RIMS1: variants seen among roughly 807,000 people sequenced by gnomAD.
RIMS1 encodes the protein regulating synaptic membrane exocytosis protein 1.
Under a neutral mutation model 214.1 loss-of-function variants are expected in RIMS1, and 83 were observed. The observed-to-expected ratio is 0.39, with a 90% CI of 0.32 to 0.47. The LOEUF is 0.47. RIMS1 is among the 20% of genes least tolerant of loss of function. The pLI, the probability that RIMS1 is intolerant of heterozygous loss-of-function variation, is 0.99. For synonymous variants in RIMS1, 793 were observed against 786.8 expected, an observed-to-expected ratio of 1.01 and a Z score of -0.13; for missense variants, 2,050 against 2,161.8, an observed-to-expected ratio of 0.95 and a Z score of 1.03.
At position 72,400,773 on chromosome 6, in the gene RIMS1, C is replaced by G; in HGVS notation, c.*59C>G. 7.6e-7 allele frequency: 1 copy of G among 1,309,344 alleles called. No homozygotes were observed. Among genetic ancestry groups the G allele is most frequent in the Non-Finnish European group, 1.1e-6 (1 of 929,520 alleles). The allele number at this position is 1,309,344 out of a possible 1,614,324, so 81.1% of individuals were successfully genotyped here. A position where few individuals can be genotyped will look rare whatever the true frequency, so the allele number is the denominator to read the frequency against. ...TACTTTTCAGGATAATAATCTGAAC[C>G]AGATATTTCATGATCGAAAGCATTG... On this transcript the variant is annotated 3_prime_UTR_variant, in exon 34 of 34. Transcript: ENST00000521978.
intron 1 of RIMS1, among the ~76,000 whole-genome samples, chr6:71,936,195 CG>C (rs1433848135): frequency 3.3e-5 from 5 of 151,226 alleles, no homozygotes; most frequent in African/African-American, 1.2e-4. Flanking sequence ...GGCGTGGTAG[CG>C]GGCGCCTGTA....
chr6:72,348,867 AATG>A (rs1340960857), intron 29 of RIMS1, among the ~76,000 whole-genome samples: 1 of 152,016 alleles, frequency 6.6e-6, no homozygotes, highest in East Asian at 1.9e-4. Context: ...GAGAAATAAT[AATG>A]ATTGATAAAG....
At chr6:72,038,090 C>CAAAAAAAAAAAAAAAAAA (rs869130217) in intron 2 of RIMS1, among the ~76,000 whole-genome samples, 1 of 22,242 alleles carries the variant, frequency 4.5e-5, no homozygotes, top group Non-Finnish European at 8.0e-5. Context: ...AACAAACAAG[C>CAAAAAAAAAAAAAAAAAA]AAAAAAAAAA....
At chr6:71,906,026 A>G (rs972265791) in intron 1 of RIMS1, among the ~76,000 whole-genome samples, 1 of 152,164 alleles carries the variant, frequency 6.6e-6, no homozygotes, top group African/African-American at 2.4e-5. Context: ...TGTGTCCCAG[A>G]AAGCTCCAGT....
At chr6:72,259,204 G>C in intron 18 of RIMS1, 93 bp downstream of exon 18, 2 of 1,006,632 alleles carry the variant, frequency 2.0e-6, no homozygotes, top group Non-Finnish European at 2.8e-6. Context: ...GAGAGTAAAA[G>C]TATTTATCAC....
At chr6:72,309,123 G>A (rs959012301) in intron 27 of RIMS1, among the ~76,000 whole-genome samples, 51 of 152,072 alleles carry the variant, frequency 3.4e-4, no homozygotes, top group African/African-American at 1.2e-3. Flanking sequence ...ACAAGAAAGA[G>A]GCGAGTAAAG....
rs141892708 is a variant in RIMS1 at position 72,093,664 on chromosome 6, T to A, written c.246-3285T>A. On this transcript the variant is annotated intron_variant, in intron 2 of 33. Coordinates refer to ENST00000521978, the MANE Select transcript of RIMS1 (RefSeq NM_014989.7). ...TTTGTGATTCCTCATGTGTTAGATT[T>A]TTTTTTACCATGTCATACTGTAATA... Among the ~76,000 whole-genome samples, 625 of 152,280 alleles carry A rather than the reference T, an allele frequency of 4.1e-3. 5 individuals carry two copies. Among genetic ancestry groups the A allele is most frequent in the South Asian group, 0.023 (109 of 4,828 alleles).
At chr6:72,260,598 C>A (rs2077543847) in intron 18 of RIMS1, 107 bp from the exon 19 acceptor site, 1 of 1,435,756 alleles carries the variant, frequency 7.0e-7, no homozygotes, top group African/African-American at 1.4e-5. Context: ...TATGCTAGTG[C>A]AGACAATCTG....
At chr6:72,381,775 C>G (rs1441101999) in intron 29 of RIMS1, among the ~76,000 whole-genome samples, 2 of 152,168 alleles carry the variant, frequency 1.3e-5, no homozygotes, top group Non-Finnish European at 2.9e-5. Context: ...CATAGCAATA[C>G]CAGGTTTTTA....
chr6:72,359,857 A>G (rs1294130418), intron 29 of RIMS1, among the ~76,000 whole-genome samples: 1 of 152,164 alleles, frequency 6.6e-6, no homozygotes. Context: ...CAGATATCTA[A>G]AGAATTATTG....
chr6:72,160,548 G>T (rs2045228370), intron 4 of RIMS1, among the ~76,000 whole-genome samples: 1 of 139,164 alleles, frequency 7.2e-6, no homozygotes, highest in Non-Finnish European at 1.6e-5. Flanking sequence ...ATTATTTTGA[G>T]ATGCATCCCA....
chr6:72,045,006 CTAG>C (rs1264574936), intron 2 of RIMS1, among the ~76,000 whole-genome samples: 5 of 151,814 alleles, frequency 3.3e-5, no homozygotes, highest in African/African-American at 1.2e-4. Flanking sequence ...TATACTACTA[CTAG>C]TAAGCAATAA....
intron 1 of RIMS1, among the ~76,000 whole-genome samples, chr6:71,928,655 T>A (rs1782216927): frequency 6.6e-6 from 1 of 152,096 alleles, no homozygotes; most frequent in Non-Finnish European, 1.5e-5. Flanking sequence ...TAGCTAATAC[T>A]TTTTTTCTTC....
chr6:72,271,289 ATATATATATAT>A (rs2083221612), intron 22 of RIMS1, among the ~76,000 whole-genome samples: 3 of 13,982 alleles, frequency 2.1e-4, no homozygotes, highest in Non-Finnish European at 3.6e-4. Context: ...AAAAAAAAAT[ATATATATATAT>A]ATATATATAT....
chr6:71,950,165 G>C (rs1451444767), intron 1 of RIMS1, among the ~76,000 whole-genome samples: 1 of 152,130 alleles, frequency 6.6e-6, no homozygotes, highest in East Asian at 1.9e-4. Context: ...CAACATTATA[G>C]AGATGAAACA....
chr6:72,207,470 A>T (rs1178858618), intron 6 of RIMS1, among the ~76,000 whole-genome samples: 4 of 151,832 alleles, frequency 2.6e-5, no homozygotes, highest in African/African-American at 9.7e-5. Context: ...TAATTTGTTG[A>T]TTTTTTTTGT....
chr6:72,076,980 A>C (rs866496939), intron 2 of RIMS1, among the ~76,000 whole-genome samples: 117 of 152,236 alleles, frequency 7.7e-4, no homozygotes, highest in African/African-American at 2.7e-3. Flanking sequence ...AATTCCCTCC[A>C]TGGTTCTCAA....
intron 6 of RIMS1, among the ~76,000 whole-genome samples, chr6:72,187,847 A>G (rs2049390808): frequency 6.6e-6 from 1 of 152,136 alleles, no homozygotes; most frequent in Non-Finnish European, 1.5e-5. Context: ...GAGGGACAGA[A>G]CTACAGGATA....
chr6:72,362,785 A>T (rs140032385), intron 29 of RIMS1, among the ~76,000 whole-genome samples: 1 of 152,112 alleles, frequency 6.6e-6, no homozygotes, highest in Non-Finnish European at 1.5e-5. Flanking sequence ...CATTTTCCCT[A>T]TAGTTCAGTT....
Sources: gnomAD v4.1 joint callset for allele counts (sites outside exome capture counted in the v4.1 genomes callset) on GRCh38, gnomAD v4.1.1 for gene constraint, MANE v1.5 for transcripts, NCBI Gene and HGNC (gene_info 2026-07-23, HGNC 2026-07-21) for gene names.